UBE2O: variants seen among roughly 807,000 people sequenced by gnomAD.
UBE2O encodes ubiquitin conjugating enzyme E2 O.
Under a neutral mutation model 125.8 loss-of-function variants are expected in UBE2O, and 15 were observed. The observed-to-expected ratio is 0.12, with a 90% confidence interval of 0.08 to 0.18. The LOEUF (loss-of-function observed/expected upper bound fraction) is 0.18, where lower values mean the gene tolerates loss of function less well. UBE2O is among the 10% of genes least tolerant of loss of function. The pLI, the probability that UBE2O is intolerant of heterozygous loss-of-function variation, is 1.00. For missense variants in UBE2O, 1,280 were observed against 1,723.6 expected (o/e 0.74, Z 4.56); for synonymous variants, 708 against 703.2 (o/e 1.01, Z -0.11).
chr17:76,410,248 G>A lies in UBE2O; in HGVS notation c.418-4676C>T, dbSNP rs962619896. 6.6e-6 allele frequency among the ~76,000 whole-genome samples: 1 copy of A among 152,060 alleles called. No individual in the cohort carries two copies. Among genetic ancestry groups the A allele is most frequent in the African/African-American group, 2.4e-5 (1 of 41,402 alleles). Reference sequence around the variant, plus strand: ...TATCCAAAACATTACCTGATTTTTGGGCAGGGAACGTGCTGAGAGAGGGAG... The same window carrying A: ...TATCCAAAACATTACCTGATTTTTGAGCAGGGAACGTGCTGAGAGAGGGAG... On this transcript the variant is annotated intron_variant, in intron 1 of 17. Transcript: ENST00000319380. The surrounding 1 kb of genome is among the most constrained non-coding windows in gnomAD (Gnocchi z 4.0).
intron 1 of UBE2O, among the ~76,000 whole-genome samples, chr17:76,432,098 T>C (rs535873039): frequency 6.6e-6 from 1 of 152,260 alleles, no homozygotes; most frequent in African/African-American, 2.4e-5. Context: ...TAGCAGCACA[T>C]GTGCCCCTCA....
intron 1 of UBE2O, among the ~76,000 whole-genome samples, chr17:76,441,037 G>C (rs1347919207): frequency 6.6e-6 from 1 of 152,170 alleles, no homozygotes; most frequent in Non-Finnish European, 1.5e-5. Context: ...TTTGAATTTG[G>C]GTTGGCCTCC....
chr17:76,406,850 C>T (rs1485848566), intron 1 of UBE2O, among the ~76,000 whole-genome samples: 1 of 152,022 alleles, frequency 6.6e-6, no homozygotes, highest in Non-Finnish European at 1.5e-5. Context: ...CAGGCACGTG[C>T]CACCACGCCC....
Position 76,453,003 on chromosome 17 carries a change from A to G in UBE2O, c.139T>C (p.Ser47Pro), listed in dbSNP as rs1222562191. ...CCGGCTTCTGGGCCGGAGTCCGAGGACGGCCCGGAGGCCGAGTCCGAGGCG... is the reference window on the plus strand; with the variant it reads ...CCGGCTTCTGGGCCGGAGTCCGAGGGCGGCCCGGAGGCCGAGTCCGAGGCG... ...APASDSASGPSSDSGPEAGSQ... is the reference protein window; with the variant it reads ...APASDSASGPPSDSGPEAGSQ... Residue 47 changes from serine to proline, a missense_variant, in exon 1 of 18, where the codon TCC becomes CCC. By Grantham distance (74) the Ser-to-Pro change is moderately conservative. Coordinates refer to ENST00000319380, the MANE Select transcript of UBE2O (RefSeq NM_022066.4). The G allele has an allele frequency of 6.7e-7, 1 of 1,487,610 alleles. No homozygotes were observed. The highest frequency in any genetic ancestry group is 8.9e-7 in the Non-Finnish European group (1 of 1,118,926). The allele number at this position is 1,487,610 out of a possible 1,614,324, so 92.2% of individuals were successfully genotyped here.
Position 76,398,425 on chromosome 17 carries a change from C to T in UBE2O, c.1897-42G>A. ...GTTGTCATGAGCTAGGGGTCCTACA[C>T]CCAACCCCAGAGCCCACCTGAAGCA... On this transcript the variant is annotated intron_variant, in intron 11 of 17. Transcript: ENST00000319380. This position sits in a 1 kb window ranked among gnomAD's most constrained non-coding sequence, Gnocchi z 5.4. 6.2e-7 allele frequency: 1 copy of T among 1,614,088 alleles called. No homozygotes were observed. Among genetic ancestry groups the T allele is most frequent in the South Asian group, 1.1e-5 (1 of 91,076 alleles).
chr17:76,397,138 C>T (rs925986617), intron 13 of UBE2O, among the ~76,000 whole-genome samples: 1 of 152,218 alleles, frequency 6.6e-6, no homozygotes, highest in Non-Finnish European at 1.5e-5. Flanking sequence ...CAGGCCCAGT[C>T]CCACACCTGA....
intron 1 of UBE2O, among the ~76,000 whole-genome samples, chr17:76,419,837 G>A (rs367751872): frequency 1.3e-5 from 2 of 152,234 alleles, no homozygotes; most frequent in Non-Finnish European, 2.9e-5. Context: ...GAGCGAGCTG[G>A]TGTGAAAGCG....
chr17:76,398,407 T>G lies in UBE2O; in HGVS notation c.1897-24A>C. On this transcript the variant is annotated intron_variant, in intron 11 of 17. Coordinates refer to ENST00000319380, the MANE Select transcript of UBE2O (RefSeq NM_022066.4). This position sits in a 1 kb window ranked among gnomAD's most constrained non-coding sequence, Gnocchi z 5.4. Reference sequence around the variant, plus strand: ...AGCTGTGGCACAGGACAGGTTGTCATGAGCTAGGGGTCCTACACCCAACCC... The same window carrying G: ...AGCTGTGGCACAGGACAGGTTGTCAGGAGCTAGGGGTCCTACACCCAACCC... 2 of 1,614,108 alleles carry G rather than the reference T, an allele frequency of 1.2e-6. No homozygotes were observed. The highest frequency in any genetic ancestry group is 1.7e-6 in the Non-Finnish European group (2 of 1,180,014).
Position 76,402,717 on chromosome 17 carries a change from A to G in UBE2O, c.589-18T>C. Reference sequence around the variant, plus strand: ...ATGAAGGGCTGCAGACCAAGGAGGCAGGGGCAGTGAGACACAGCAGACAAC... The same window carrying G: ...ATGAAGGGCTGCAGACCAAGGAGGCGGGGGCAGTGAGACACAGCAGACAAC... On this transcript the variant is annotated intron_variant, in intron 3 of 17. Transcript: ENST00000319380. This position sits in a 1 kb window ranked among gnomAD's most constrained non-coding sequence, Gnocchi z 5.4. The G allele has an allele frequency of 6.3e-7, 1 of 1,599,844 alleles. No homozygotes were observed. The highest frequency in any genetic ancestry group is 8.6e-7 in the Non-Finnish European group (1 of 1,167,040).
At position 76,411,748 on chromosome 17, in the gene UBE2O, C is replaced by T. The variant is rs562971764; in HGVS notation, c.418-6176G>A. 1.1e-3 allele frequency among the ~76,000 whole-genome samples: 168 copies of T among 152,304 alleles called. 2 individuals are homozygous for T. The highest frequency in any genetic ancestry group is 8.5e-3 in the South Asian group (41 of 4,824). Reference sequence around the variant, plus strand: ...CCACCCAGGTTGGAGGGCAGTGGCGCAAGCAGGGTTCACTGCAGCCTCAAC... The same window carrying T: ...CCACCCAGGTTGGAGGGCAGTGGCGTAAGCAGGGTTCACTGCAGCCTCAAC... On this transcript the variant is annotated intron_variant, in intron 1 of 17. Transcript: ENST00000319380.
chr17:76,439,976 C>T (rs1302547199), intron 1 of UBE2O, among the ~76,000 whole-genome samples: 1 of 152,218 alleles, frequency 6.6e-6, no homozygotes, highest in African/African-American at 2.4e-5. Flanking sequence ...CAAGTGCTCA[C>T]TAAACAAATC....
At chr17:76,444,078 G>C (rs1354933427) in intron 1 of UBE2O, among the ~76,000 whole-genome samples, 3 of 151,832 alleles carry the variant, frequency 2.0e-5, no homozygotes, top group African/African-American at 7.3e-5. Context: ...AATATTACTC[G>C]GACGTGGTGG....
Position 76,405,240 on chromosome 17 carries a change from T to C in UBE2O, c.554A>G (p.Tyr185Cys), listed in dbSNP as rs768023228. ...CTGCAGGTCCTTGCTGTTGACGGGA[T>C]AGATGATGCAGTTGGTGCCGATGAG... Reference protein sequence around the residue: ...VKLIGTNCIIYPVNSKDLQHI... With the variant: ...VKLIGTNCIICPVNSKDLQHI... The change falls in exon 3 of 18, where the codon TAT (tyrosine) becomes TGT (cysteine). Residue 185 changes from tyrosine (Y) to cysteine (C), a missense_variant. Physicochemically the swap from Tyr to Cys is radical, Grantham distance 194. Around this residue, in one of 10 missense-constraint regions of UBE2O, gnomAD observed 206 missense variants for 315.7 expected, o/e 0.65. Coordinates refer to ENST00000319380, the MANE Select transcript of UBE2O (RefSeq NM_022066.4). This position sits in a 1 kb window ranked among gnomAD's most constrained non-coding sequence, Gnocchi z 6.1. 6.0e-5 allele frequency: 97 copies of C among 1,612,942 alleles called. No homozygotes were observed. The highest frequency in any genetic ancestry group is 8.8e-5 in the South Asian group (8 of 90,904).
intron 1 of UBE2O, among the ~76,000 whole-genome samples, chr17:76,431,402 G>A (rs2072904539): frequency 6.6e-6 from 1 of 152,150 alleles, no homozygotes. Context: ...TGTAATCCCA[G>A]CTACTTGGGA....
intron 1 of UBE2O, among the ~76,000 whole-genome samples, chr17:76,411,623 T>C (rs1358518588): frequency 6.6e-6 from 1 of 152,198 alleles, no homozygotes; most frequent in Non-Finnish European, 1.5e-5. Flanking sequence ...GTGCTCTCTT[T>C]TAATCCCGGG....
intron 1 of UBE2O, among the ~76,000 whole-genome samples, chr17:76,420,964 GGACAGGATCAGGTAGTCT>G (rs1476391631): frequency 6.6e-6 from 1 of 152,132 alleles, no homozygotes; most frequent in African/African-American, 2.4e-5. Context: ...AATTAGGTCA[GGACAGGATCAGGTAGTCT>G]GCTTTCTAAG....
At chr17:76,412,320 G>A (rs978996431) in intron 1 of UBE2O, among the ~76,000 whole-genome samples, 2 of 152,146 alleles carry the variant, frequency 1.3e-5, no homozygotes, top group East Asian at 3.8e-4. Flanking sequence ...GACCAGCACT[G>A]GAAACTTCTA....
intron 1 of UBE2O, among the ~76,000 whole-genome samples, chr17:76,416,033 A>G (rs1025639614): frequency 4.0e-5 from 6 of 149,472 alleles, no homozygotes; most frequent in Non-Finnish European, 8.9e-5. Context: ...ACACACGTAT[A>G]TATGTGTGTG....
chr17:76,433,668 C>T (rs1371348198), intron 1 of UBE2O, among the ~76,000 whole-genome samples: 2 of 149,798 alleles, frequency 1.3e-5, no homozygotes, highest in Admixed American at 6.6e-5. Context: ...GTGAGTATTG[C>T]GCCACTGCAT....
Sources: gnomAD v4.1 joint callset for allele counts (sites outside exome capture counted in the v4.1 genomes callset) on GRCh38, gnomAD v4.1.1 for gene constraint, gnomAD v4.1.1 regional missense constraint, Gnocchi (gnomAD v3.1) non-coding constraint, MANE v1.5 for transcripts, NCBI Gene and HGNC (gene_info 2026-07-23, HGNC 2026-07-21) for gene names.